Variants in STK3 observed in about 807,000 individuals in gnomAD.
STK3 encodes the protein serine/threonine kinase 3, also known as serine/threonine-protein kinase 3.
In STK3, 41 loss-of-function variants were observed where a neutral mutation model predicts 58.0. The ratio of observed to expected loss-of-function variants is 0.71; its 90% CI spans 0.55 to 0.92. The LOEUF is 0.92. Ranked by LOEUF, STK3 falls within the 40% of genes least tolerant of loss-of-function variation. The pLI is 0.00. For synonymous variants in STK3, 170 were observed against 191.0 expected (o/e 0.89, Z 0.91); for missense variants, 479 against 602.7 (o/e 0.79, Z 2.15).
intron 4 of STK3, among the ~76,000 whole-genome samples, chr8:98,720,125 TCCTATC>T (rs1011667992): frequency 6.6e-6 from 1 of 152,228 alleles, no homozygotes; most frequent in African/African-American, 2.4e-5. Flanking sequence ...AATGAAAGGT[TCCTATC>T]CCTCAATAAA....
At chr8:98,846,434 C>T (rs76830262) in intron 3 of STK3, among the ~76,000 whole-genome samples, 2,731 of 152,276 alleles carry the variant, frequency 0.018, 75 homozygotes, top group African/African-American at 0.063. Context: ...ATTCATTTAA[C>T]TAACATTTAT....
chr8:98,361,194 G>A, the STK3 span, among the ~76,000 whole-genome samples: 48 of 152,122 alleles, frequency 3.2e-4, no homozygotes, highest in African/African-American at 9.7e-4. Flanking sequence ...AGTGGCCAGC[G>A]CCCTTGGAGG....
At chr8:98,665,728 G>A (rs1177472530) in intron 6 of STK3, among the ~76,000 whole-genome samples, 2 of 140,956 alleles carry the variant, frequency 1.4e-5, no homozygotes, top group Non-Finnish European at 3.1e-5. Context: ...TTTTGAGACC[G>A]AGTCTTGCTC....
chr8:98,583,071 A>G (rs1020984458), intron 7 of STK3, among the ~76,000 whole-genome samples: 1 of 151,894 alleles, frequency 6.6e-6, no homozygotes, highest in African/African-American at 2.4e-5. Flanking sequence ...CATGTTATTC[A>G]TACTATCTTT....
intron 3 of STK3, among the ~76,000 whole-genome samples, chr8:98,856,025 C>T (rs1317403865): frequency 6.6e-6 from 1 of 151,872 alleles, no homozygotes; most frequent in East Asian, 1.9e-4. Context: ...GGCATTGTGG[C>T]AGGTGCCTCT....
At chr8:98,828,078 G>T (rs750467685), upstream of STK3, among the ~76,000 whole-genome samples, 7 of 151,470 alleles carry the variant, frequency 4.6e-5, no homozygotes, top group Middle Eastern at 3.4e-3. Context: ...TGGTTCAAGA[G>T]ATTATCCTGC....
intron 8 of STK3, among the ~76,000 whole-genome samples, chr8:98,573,862 G>A (rs1280961193): frequency 1.3e-5 from 2 of 151,970 alleles, no homozygotes; most frequent in Non-Finnish European, 2.9e-5. Context: ...GCCTGAGGAG[G>A]CTTCAGGAAA....
At chr8:98,893,043 G>A (rs1460332056) in intron 1 of STK3, among the ~76,000 whole-genome samples, 3 of 152,114 alleles carry the variant, frequency 2.0e-5, no homozygotes, top group African/African-American at 7.2e-5. Context: ...GAGAAGGAAG[G>A]TAAGAACAGG....
chr8:98,692,968 A>G (rs923470650), intron 6 of STK3, among the ~76,000 whole-genome samples: 1 of 152,128 alleles, frequency 6.6e-6, no homozygotes, highest in Non-Finnish European at 1.5e-5. Flanking sequence ...GAAAAATACA[A>G]TTTATGCAGA....
At chr8:98,738,449 G>C (rs1828817571) in intron 4 of STK3, among the ~76,000 whole-genome samples, 1 of 151,686 alleles carries the variant, frequency 6.6e-6, no homozygotes, top group Admixed American at 6.6e-5. Flanking sequence ...CTCCAGCCTG[G>C]GGAACAAGAA....
chr8:98,938,817 GAATCCCTAA>G (rs1042579436), intron 1 of STK3, among the ~76,000 whole-genome samples: 1 of 152,186 alleles, frequency 6.6e-6, no homozygotes, highest in African/African-American at 2.4e-5. Flanking sequence ...TAGACACACA[GAATCCCTAA>G]AATGTGATGA....
chr8:98,434,392 C>A (rs893524486), intron 2 of STK3: 2 of 152,182 alleles, frequency 1.3e-5, no homozygotes, highest in Non-Finnish European at 2.9e-5. Context: ...AAAGGAAAAA[C>A]AAACACCTCC....
At position 98,534,071 on chromosome 8, in the gene STK3, T is replaced by C. The variant is rs570225393; in HGVS notation, c.1142-7154A>G. Among the ~76,000 whole-genome samples, 5 of 152,328 alleles carry C rather than the reference T, an allele frequency of 3.3e-5. No individual in the cohort carries two copies. The South Asian group carries it at 1.0e-3, about 32-fold the overall frequency. ...AGTATTGTGACTACTACAATTATTA[T>C]TAGGCTGGTGCAAGTAATAACAGAA... On this transcript the variant is annotated intron_variant, in intron 9 of 10. Transcript: ENST00000419617.
chr8:98,654,587 A>AT (rs1276034139), intron 6 of STK3, among the ~76,000 whole-genome samples: 2 of 152,212 alleles, frequency 1.3e-5, no homozygotes, highest in Non-Finnish European at 2.9e-5. Context: ...AGAAAACCCC[A>AT]TTGTGTTAGC....
intron 3 of STK3, among the ~76,000 whole-genome samples, chr8:98,850,284 C>T (rs1199028168): frequency 1.3e-5 from 2 of 152,132 alleles, no homozygotes; most frequent in Non-Finnish European, 2.9e-5. Context: ...AGCAATCCTC[C>T]CTCCTCAGCT....
intron 10 of STK3, among the ~76,000 whole-genome samples, chr8:98,496,064 G>A (rs1312710471): frequency 6.6e-6 from 1 of 151,996 alleles, no homozygotes; most frequent in Non-Finnish European, 1.5e-5. Flanking sequence ...AATAGTTATT[G>A]GTTTAAAGAT....
At chr8:98,467,548 A>ATGTG (rs61136775) in intron 10 of STK3, among the ~76,000 whole-genome samples, 46,535 of 147,980 alleles carry the variant, frequency 0.31, 7,999 homozygotes, top group Admixed American at 0.48. Context: ...TATTTAAAAA[A>ATGTG]TGTGTGTGTG....
rs34779344 is a variant in STK3, at chr8:98,535,456, A to ATT, written c.1142-8541_1142-8540dup. ...AGCCAGGACCACATTGCTTTCATTA[A>ATT]TTTTTTTTTTTTTTTTCATCCAGCA... On this transcript the variant is annotated intron_variant, in intron 9 of 10. Coordinates refer to ENST00000419617, the MANE Select transcript of STK3 (RefSeq NM_006281.4). Among the ~76,000 whole-genome samples, 378 of 143,738 alleles carry ATT rather than the reference A, an allele frequency of 2.6e-3. 4 individuals are homozygous for ATT. The East Asian group carries it at 0.038, about 15-fold the overall frequency. 94.3% of individuals were successfully genotyped at this position (143,738 alleles called of 152,430 possible).
chr8:98,924,789 CG>C (rs1365623208), intron 1 of STK3, among the ~76,000 whole-genome samples: 1 of 152,098 alleles, frequency 6.6e-6, no homozygotes, highest in Non-Finnish European at 1.5e-5. Flanking sequence ...GCTAGGTCTG[CG>C]GAAAGCAGAA....
Sources: gnomAD v4.1 joint callset for allele counts (sites outside exome capture counted in the v4.1 genomes callset) on GRCh38, gnomAD v4.1.1 for gene constraint, MANE v1.5 for transcripts, NCBI Gene and HGNC (gene_info 2026-07-23, HGNC 2026-07-21) for gene names.